The following SLC1A7 variants were observed in gnomAD, a reference collection of about 807,000 sequenced individuals.
The protein encoded by SLC1A7 is excitatory amino acid transporter 5.
A neutral mutation model predicts 47.7 loss-of-function variants in SLC1A7; 40 were observed. That is an observed-to-expected ratio of 0.84 (90% CI 0.65 to 1.09). The LOEUF (loss-of-function observed/expected upper bound fraction) is 1.09. Ranked by LOEUF, SLC1A7 falls within the 50% of genes least tolerant of loss-of-function variation. SLC1A7 has a pLI of 0.00. For missense variants in SLC1A7, 746 were observed against 769.5 expected, an observed-to-expected ratio of 0.97 and a Z score of 0.36; for synonymous variants, 323 against 325.6, an observed-to-expected ratio of 0.99 and a Z score of 0.09.
At chr1:53,124,847 T>A (rs1259497058) in intron 2 of SLC1A7, among the ~76,000 whole-genome samples, 1 of 152,240 alleles carries the variant, frequency 6.6e-6, no homozygotes, top group African/African-American at 2.4e-5. Flanking sequence ...GCAAACTCTG[T>A]GCCTCCCGAG....
chr1:53,135,358 C>T (rs1644981324), intron 1 of SLC1A7, among the ~76,000 whole-genome samples: 1 of 152,178 alleles, frequency 6.6e-6, no homozygotes, highest in Non-Finnish European at 1.5e-5. Context: ...AGACCATGGC[C>T]GCCTTGCGAG....
At chr1:53,088,592 T>C (rs1644385016) in intron 10 of SLC1A7, among the ~76,000 whole-genome samples, 1 of 152,188 alleles carries the variant, frequency 6.6e-6, no homozygotes, top group East Asian at 1.9e-4. Context: ...AATGCTCACA[T>C]GTTGGCTAAA....
rs766566588 is a variant in SLC1A7 at position 53,108,610 on chromosome 1, G to A, written c.432-2836C>T. The A allele has an allele frequency of 5.6e-5, 40 of 717,852 alleles. 1 individual carries two copies. Among genetic ancestry groups the A allele is most frequent in the South Asian group, 1.5e-4 (10 of 67,598 alleles). The allele number at this position is 717,852 out of a possible 1,614,324, so 44.5% of individuals were successfully genotyped here. On this transcript the variant is annotated intron_variant, in intron 3 of 10. Coordinates refer to ENST00000371494, the MANE Select transcript of SLC1A7 (RefSeq NM_006671.6). ...CCATTCAGCCAGGACCCTTTGGTCC[G>A]TTCCTCCAACTTTCTTCTTTCTGCC... is the stretch of plus-strand genomic sequence containing the variant.
chr1:53,106,532 G>A (rs958289785), intron 3 of SLC1A7, among the ~76,000 whole-genome samples: 11 of 151,636 alleles, frequency 7.3e-5, no homozygotes, highest in South Asian at 4.2e-4. Context: ...TGAACCCGGC[G>A]GAGCTTGCAG....
At position 53,091,252 on chromosome 1, in the gene SLC1A7, G is replaced by A. The variant is rs116864785; in HGVS notation, c.1032-446C>T. On this transcript the variant is annotated intron_variant, in intron 7 of 10. Transcript: ENST00000371494. The stretch of plus-strand genomic sequence containing the variant: ...CGACTACGGGCTTGGACAGCACCTG[G>A]CCCATTGTACCCACTCAGTCAATGG... 5.0e-4 allele frequency among the ~76,000 whole-genome samples: 76 copies of A among 152,336 alleles called. 1 individual carries two copies. The East Asian group carries it at 0.014, about 29-fold the overall frequency.
At chr1:53,113,986 A>G (rs1644727637) in intron 3 of SLC1A7, among the ~76,000 whole-genome samples, 1 of 151,882 alleles carries the variant, frequency 6.6e-6, no homozygotes, top group African/African-American at 2.4e-5. Flanking sequence ...TCTCACCGGC[A>G]GCCCCAGCTT....
intron 6 of SLC1A7, 62 bp from the exon 7 acceptor site, chr1:53,092,849 C>A: frequency 9.0e-7 from 1 of 1,107,834 alleles, no homozygotes; most frequent in Admixed American, 1.7e-5. Flanking sequence ...CGGCCCCAGC[C>A]CCGCATCGCT....
intron 3 of SLC1A7, chr1:53,108,673 T>G (rs1644671311): frequency 1.4e-6 from 1 of 717,278 alleles, no homozygotes; most frequent in Admixed American, 2.0e-5. Context: ...TGAGCAACCT[T>G]CATGGACCAT....
intron 3 of SLC1A7, among the ~76,000 whole-genome samples, chr1:53,107,715 C>T (rs554883755): frequency 2.6e-5 from 4 of 152,344 alleles, no homozygotes; most frequent in Non-Finnish European, 5.9e-5. Flanking sequence ...TCACTATCTC[C>T]TCTCATCAGA....
Position 53,098,044 on chromosome 1 carries a change from C to G in SLC1A7, c.698-4484G>C, listed in dbSNP as rs564871440. On this transcript the variant is annotated intron_variant, in intron 5 of 10. Coordinates refer to ENST00000371494, the MANE Select transcript of SLC1A7 (RefSeq NM_006671.6). ...GCCTCGGTACACTCACATACCCTGC[C>G]TCCGTACACTCACACATTTTGCCTT... Among the ~76,000 whole-genome samples the G allele has an allele frequency of 1.4e-4, 21 of 150,826 alleles. No homozygotes were observed. The South Asian group carries it at 4.4e-3, about 32-fold the overall frequency.
Position 53,092,721 on chromosome 1 carries a change from G to A in SLC1A7, c.864C>T (p.Ala288=), listed in dbSNP as rs759672631. Residue 288 remains alanine, a synonymous_variant, in exon 7 of 11, where the codon GCC becomes GCT. Transcript: ENST00000371494. ...AGTAGAAGCCCAGCTTCTTGCCGAC[G>A]GCCCTGGGGTCGTCCATCTCCAGGA... is the stretch of plus-strand genomic sequence containing the variant. ...GKILEMDDPR[A]VGKKLGFYSV... The A allele has an allele frequency of 5.6e-6, 9 of 1,613,946 alleles. No individual in the cohort carries two copies. The highest frequency in any genetic ancestry group is 3.3e-5 in the Admixed American group (2 of 60,008).
Position 53,142,366 on chromosome 1 carries a change from G to A in SLC1A7, c.84C>T (p.Ile28=), listed in dbSNP as rs985167612. 3.1e-6 allele frequency: 5 copies of A among 1,595,026 alleles called. No individual in the cohort carries two copies. Among genetic ancestry groups the A allele is most frequent in the South Asian group, 1.1e-5 (1 of 87,820 alleles). The change falls in exon 1 of 11, where the codon ATC becomes ATT. Residue 28 remains isoleucine (I), a synonymous_variant. Transcript: ENST00000371494. ...AGAAGAAGCCGAGGAGGCAGCCCAC[G>A]ATGACAGACAGCACAGACAGGATGA... The part of the protein sequence containing the change: ...GLLILSVLSV[I]VGCLLGFFLR...
intron 1 of SLC1A7, among the ~76,000 whole-genome samples, chr1:53,137,500 T>G (rs1349326054): frequency 6.6e-6 from 1 of 152,166 alleles, no homozygotes; most frequent in Non-Finnish European, 1.5e-5. Context: ...AGGAGTTAGT[T>G]CTTACTCCCT....
intron 2 of SLC1A7, among the ~76,000 whole-genome samples, chr1:53,126,157 C>T (rs998434355): frequency 4.6e-5 from 7 of 152,144 alleles, no homozygotes; most frequent in Non-Finnish European, 8.8e-5. Context: ...ACTCAGAGGC[C>T]GTGATCTAAA....
chr1:53,131,704 T>C (rs1040698338), intron 2 of SLC1A7, among the ~76,000 whole-genome samples: 1 of 152,280 alleles, frequency 6.6e-6, no homozygotes, highest in Non-Finnish European at 1.5e-5. Flanking sequence ...CCAGTATTAA[T>C]GAGCACCTAC....
chr1:53,092,795 C>T lies in SLC1A7; in HGVS notation c.798-8G>A, dbSNP rs372699436. 5.5e-5 allele frequency: 88 copies of T among 1,588,896 alleles called. No individual in the cohort carries two copies. The highest frequency in any genetic ancestry group is 6.9e-5 in the Non-Finnish European group (80 of 1,158,016). On this transcript the variant is annotated splice_polypyrimidine_tract_variant and splice_region_variant and intron_variant, in intron 6 of 10. Coordinates refer to ENST00000371494, the MANE Select transcript of SLC1A7 (RefSeq NM_006671.6). ...ATGCCGAAGGGGAAATACCTGGGGG[C>T]GGCGGGGCAGCCAGGCTCAGGAACC...
chr1:53,103,720 T>C (rs947688477), intron 4 of SLC1A7, 152 bp from the exon 5 acceptor site: 24 of 553,816 alleles, frequency 4.3e-5, no homozygotes, highest in Admixed American at 7.1e-5. Context: ...GAGCAGGGAT[T>C]GCTATCAATA....
chr1:53,092,395 G>A (rs1383734181), intron 7 of SLC1A7, among the ~76,000 whole-genome samples, 159 bp downstream of exon 7: 3 of 152,374 alleles, frequency 2.0e-5, no homozygotes, highest in South Asian at 2.1e-4. Context: ...AGTCCCCCAC[G>A]TCAGTCTTGT....
chr1:53,111,559 G>A (rs955008103), intron 3 of SLC1A7, among the ~76,000 whole-genome samples: 1 of 152,180 alleles, frequency 6.6e-6, no homozygotes, highest in Non-Finnish European at 1.5e-5. Flanking sequence ...CATGGCTTGG[G>A]ATTTGGTTTT....
Sources: allele counts gnomAD v4.1 joint callset (sites outside exome capture counted in the v4.1 genomes callset), GRCh38; gene constraint gnomAD v4.1.1; transcripts MANE v1.5; gene names NCBI Gene and HGNC (gene_info 2026-07-23, HGNC 2026-07-21).